ABHD12: variants seen among roughly 807,000 people sequenced by gnomAD.
The protein encoded by ABHD12 is lysophosphatidylserine lipase ABHD12.
Under a neutral mutation model 58.3 loss-of-function variants are expected in ABHD12, and 43 were observed. The ratio of observed to expected loss-of-function variants is 0.74; its 90% CI spans 0.58 to 0.95. The LOEUF (loss-of-function observed/expected upper bound fraction) is 0.95. ABHD12 is among the 40% of genes least tolerant of loss of function. The probability of loss-of-function intolerance (pLI) is 0.00; values close to 1 mark genes in which losing one functional copy is unlikely to be tolerated. For synonymous variants in ABHD12, 219 were observed against 211.2 expected (o/e 1.04, Z -0.32); for missense variants, 539 against 537.2 (o/e 1.00, Z -0.03).
At chr20:25,331,642 G>A (rs2089278651) in intron 2 of ABHD12, among the ~76,000 whole-genome samples, 1 of 152,078 alleles carries the variant, frequency 6.6e-6, no homozygotes, top group African/African-American at 2.4e-5. Context: ...GAGAGTGGGG[G>A]CCAATATTCA....
At chr20:25,302,876 G>A (rs2088663420) in intron 11 of ABHD12, among the ~76,000 whole-genome samples, 1 of 152,198 alleles carries the variant, frequency 6.6e-6, no homozygotes, top group Non-Finnish European at 1.5e-5. Flanking sequence ...AGAGCAGGAA[G>A]TGCTCCCAGC....
At position 25,301,780 on chromosome 20, in the gene ABHD12, C is replaced by T. The variant is rs982851241; in HGVS notation, c.1157+439G>A. Among the ~76,000 whole-genome samples, 25 of 152,268 alleles carry T rather than the reference C, an allele frequency of 1.6e-4. 1 individual carries two copies. Among genetic ancestry groups the T allele is most frequent in the Admixed American group, 1.2e-3 (19 of 15,294 alleles). On this transcript the variant is annotated intron_variant, in intron 12 of 12. Coordinates refer to ENST00000339157, the MANE Select transcript of ABHD12 (RefSeq NM_001042472.3). Reference sequence around the variant, plus strand: ...TACTCATGGCTCTCTGGGCTGGCGCCCATGTCCTGCCAGTGCAGGGCAGTC... The same window carrying T: ...TACTCATGGCTCTCTGGGCTGGCGCTCATGTCCTGCCAGTGCAGGGCAGTC...
rs1002177340 is a variant in ABHD12 at position 25,351,182 on chromosome 20, C to T, written c.192-11831G>A. Among the ~76,000 whole-genome samples, 4 of 152,190 alleles carry T rather than the reference C, an allele frequency of 2.6e-5. 1 individual carries two copies. Among genetic ancestry groups the T allele is most frequent in the Non-Finnish European group, 1.5e-5 (1 of 68,006 alleles). On this transcript the variant is annotated intron_variant, in intron 1 of 12. Coordinates refer to ENST00000339157, the MANE Select transcript of ABHD12 (RefSeq NM_001042472.3). ...TTGGTGGAAGAAAGGTTTTTTTCTTCCCAACAGTGACATCATTGGATCTGG... is the reference window on the plus strand; with the variant it reads ...TTGGTGGAAGAAAGGTTTTTTTCTTTCCAACAGTGACATCATTGGATCTGG...
chr20:25,368,095 AAACTT>A (rs1411144019), intron 1 of ABHD12, among the ~76,000 whole-genome samples: 1 of 152,218 alleles, frequency 6.6e-6, no homozygotes, highest in African/African-American at 2.4e-5. Flanking sequence ...TCATAATCAT[AAACTT>A]AACACTGCAA....
intron 1 of ABHD12, among the ~76,000 whole-genome samples, chr20:25,351,374 C>T (rs2089598188): frequency 6.6e-6 from 1 of 152,212 alleles, no homozygotes; most frequent in African/African-American, 2.4e-5. Context: ...TCAGAACCAC[C>T]ATCACTTTCT....
chr20:25,316,890 GCA>G (rs1394005977), intron 5 of ABHD12, among the ~76,000 whole-genome samples, 156 bp downstream of exon 5: 2 of 152,228 alleles, frequency 1.3e-5, no homozygotes, highest in African/African-American at 4.8e-5. Flanking sequence ...CTGTACCACT[GCA>G]CTCCAGCCTG....
intron 1 of ABHD12, among the ~76,000 whole-genome samples, chr20:25,376,786 C>A (rs1017110966): frequency 6.6e-6 from 1 of 152,110 alleles, no homozygotes; most frequent in East Asian, 1.9e-4. Flanking sequence ...GCTAGGTCAA[C>A]GAAAAAGACA....
intron 3 of ABHD12, among the ~76,000 whole-genome samples, chr20:25,322,381 A>ATATATTTTTTTTTT: frequency 5.1e-5 from 3 of 59,282 alleles, no homozygotes; most frequent in African/African-American, 8.3e-5. Flanking sequence ...ATATATATAT[A>ATATATTTTTTTTTT]TTTTTTTTTT....
intron 1 of ABHD12, 65 bp downstream of exon 1, chr20:25,390,448 G>C: frequency 7.4e-7 from 1 of 1,351,558 alleles, no homozygotes; most frequent in Non-Finnish European, 9.5e-7. Context: ...GGCCCCCTGC[G>C]GGACGCACCT....
At chr20:25,322,538 C>T (rs1027437105) in intron 3 of ABHD12, among the ~76,000 whole-genome samples, 8 of 150,188 alleles carry the variant, frequency 5.3e-5, no homozygotes, top group African/African-American at 2.0e-4. Flanking sequence ...TGCCACCATG[C>T]CCAGCTAATT....
intron 6 of ABHD12, among the ~76,000 whole-genome samples, chr20:25,312,953 G>T (rs1482448323): frequency 7.8e-6 from 1 of 127,678 alleles, no homozygotes; most frequent in Non-Finnish European, 1.7e-5. Context: ...CGCCCCATCC[G>T]GGAGGGAGGT....
intron 1 of ABHD12, chr20:25,389,828 G>A (rs922223162): frequency 7.2e-5 from 11 of 152,400 alleles, no homozygotes; most frequent in African/African-American, 2.6e-4. Context: ...CGGCTGCGAT[G>A]CTCCGAGTCC....
chr20:25,321,357 T>C (rs2145973518), intron 3 of ABHD12, among the ~76,000 whole-genome samples: 1 of 152,368 alleles, frequency 6.6e-6, no homozygotes, highest in East Asian at 1.9e-4. Flanking sequence ...TGGCCAGGCA[T>C]GGCCAGGAAT....
chr20:25,371,609 G>A (rs1346156279), intron 1 of ABHD12, among the ~76,000 whole-genome samples: 2 of 152,166 alleles, frequency 1.3e-5, no homozygotes, highest in South Asian at 4.2e-4. Context: ...TTTTTATTTT[G>A]CCAAGTAAGG....
chr20:25,296,305 T>C, downstream of ABHD12: 1 of 1,581,200 alleles, frequency 6.3e-7, no homozygotes, highest in Non-Finnish European at 8.7e-7. Flanking sequence ...AGTTCTGGAA[T>C]CCCATGTTTT....
intron 1 of ABHD12, among the ~76,000 whole-genome samples, chr20:25,349,185 TATA>T (rs892111551): frequency 1.1e-4 from 16 of 152,032 alleles, no homozygotes; most frequent in African/African-American, 3.9e-4. Flanking sequence ...CTGGCTTTAG[TATA>T]ATGTGAAAAT....
chr20:25,369,870 A>G (rs2089876159), intron 1 of ABHD12, among the ~76,000 whole-genome samples: 1 of 149,236 alleles, frequency 6.7e-6, no homozygotes, highest in South Asian at 2.1e-4. Context: ...GCATAAGGCC[A>G]GGAGAATGAG....
intron 4 of ABHD12, among the ~76,000 whole-genome samples, chr20:25,317,935 G>A (rs1399735100): frequency 2.0e-5 from 3 of 152,172 alleles, no homozygotes; most frequent in Non-Finnish European, 2.9e-5. Flanking sequence ...CCTCAGGAGC[G>A]GTCTCAACAT....
At chr20:25,369,109 C>A (rs745718629) in intron 1 of ABHD12, among the ~76,000 whole-genome samples, 2 of 151,738 alleles carry the variant, frequency 1.3e-5, no homozygotes, top group Non-Finnish European at 2.9e-5. Flanking sequence ...CAGAGAAGGA[C>A]CACATTTCAA....
Sources: gnomAD v4.1 joint callset for allele counts (sites outside exome capture counted in the v4.1 genomes callset) on GRCh38, gnomAD v4.1.1 for gene constraint, MANE v1.5 for transcripts, NCBI Gene and HGNC (gene_info 2026-07-23, HGNC 2026-07-21) for gene names.